TDRD9: variants seen among roughly 807,000 people sequenced by gnomAD.
TDRD9 encodes ATP-dependent RNA helicase TDRD9.
In TDRD9, 124 loss-of-function variants were observed where a neutral mutation model predicts 172.6. The ratio of observed to expected loss-of-function variants is 0.72; its 90% CI spans 0.62 to 0.83. The LOEUF is 0.83. TDRD9 is among the 40% of genes least tolerant of loss of function. The probability of loss-of-function intolerance (pLI) is 0.00; values close to 1 mark genes in which losing one functional copy is unlikely to be tolerated. For missense variants in TDRD9, 1,479 were observed against 1,714.1 expected, an observed-to-expected ratio of 0.86 and a Z score of 2.42; for synonymous variants, 619 against 617.1, an observed-to-expected ratio of 1.00 and a Z score of -0.05.
intron 1 of TDRD9, among the ~76,000 whole-genome samples, chr14:103,937,869 A>ATTTTTTTTT (rs2030877082): frequency 2.3e-5 from 3 of 130,756 alleles, no homozygotes; most frequent in African/African-American, 8.3e-5. Context: ...TTTTTTTTTA[A>ATTTTTTTTT]TTTTCTTTTT....
At chr14:103,941,847 G>A in intron 1 of TDRD9, 1 of 615,230 alleles carries the variant, frequency 1.6e-6, no homozygotes, top group Non-Finnish European at 2.8e-6. Flanking sequence ...ATTAGAACAT[G>A]GATTAACGTC....
intron 13 of TDRD9, among the ~76,000 whole-genome samples, chr14:104,001,133 G>T (rs2034246278): frequency 6.6e-6 from 1 of 152,166 alleles, no homozygotes; most frequent in African/African-American, 2.4e-5. Flanking sequence ...GATCCCATGT[G>T]TAAGTTTGTG....
intron 6 of TDRD9, among the ~76,000 whole-genome samples, chr14:103,972,993 G>C (rs889007082): frequency 6.6e-6 from 1 of 152,140 alleles, no homozygotes; most frequent in Admixed American, 6.5e-5. Context: ...ACTCAAGTCA[G>C]AATAATGAGT....
Position 104,018,124 on chromosome 14 carries a change from C to G in TDRD9, c.2364C>G (p.Tyr788Ter), listed in dbSNP as rs994875958. Residue 788 changes from tyrosine (Y) to a stop codon, truncating the protein, a stop_gained, in exon 23 of 36, where the codon TAC becomes TAG. Coordinates refer to ENST00000409874, the MANE Select transcript of TDRD9 (RefSeq NM_153046.3). LOFTEE classifies it high-confidence loss of function. ...ACATTCCTCCCTATGGATTTCTTTA[C>G]TATAAACAACTACAGTCTCTCTTTA... is the stretch of plus-strand genomic sequence containing the variant. ...LKHIPPYGFL[Y>*]YKQLQSLFRQ... The G allele has an allele frequency of 1.2e-6, 2 of 1,607,012 alleles. No individual in the cohort carries two copies. The highest frequency in any genetic ancestry group is 2.2e-5 in the South Asian group (2 of 90,236).
chr14:104,034,099 CCTCT>C (rs2035370239), intron 31 of TDRD9, 30 bp downstream of exon 31: 4 of 1,411,492 alleles, frequency 2.8e-6, no homozygotes, highest in Non-Finnish European at 2.9e-6. Context: ...TATTCCTTGT[CCTCT>C]CTTTTTTCTT....
At chr14:103,991,294 C>G in intron 9 of TDRD9, 70 bp downstream of exon 9, 1 of 1,502,102 alleles carries the variant, frequency 6.7e-7, no homozygotes, top group East Asian at 2.3e-5. Context: ...GTGCCTAACA[C>G]AGATTATGAA....
chr14:104,008,707 T>C lies in TDRD9; in HGVS notation c.2106+241T>C, dbSNP rs2034520534. On this transcript the variant is annotated intron_variant, in intron 20 of 35. Coordinates refer to ENST00000409874, the MANE Select transcript of TDRD9 (RefSeq NM_153046.3). ...GAATGTATTTCCCCTATGTATACTT[T>C]AATGAGGAATGGTTGTGTCATCTTG... Among the ~76,000 whole-genome samples, 3 of 152,180 alleles carry C rather than the reference T, an allele frequency of 2.0e-5. No individual in the cohort carries two copies. In the South Asian group the frequency reaches 6.2e-4, roughly 31 times the overall value.
At chr14:104,005,517 T>C (rs1443824509) in intron 15 of TDRD9, 112 bp downstream of exon 15, 13 of 1,170,676 alleles carry the variant, frequency 1.1e-5, no homozygotes, top group Middle Eastern at 2.1e-4. Flanking sequence ...CGCCTCACTT[T>C]CCCGCTAACT....
At chr14:103,993,447 A>G (rs576737711) in intron 9 of TDRD9, among the ~76,000 whole-genome samples, 1 of 152,336 alleles carries the variant, frequency 6.6e-6, no homozygotes, top group East Asian at 1.9e-4. Flanking sequence ...GTTCTATAGT[A>G]GTTTTCCAGG....
intron 1 of TDRD9, among the ~76,000 whole-genome samples, chr14:103,930,761 C>G (rs1227567860): frequency 6.6e-6 from 1 of 152,170 alleles, no homozygotes; most frequent in Non-Finnish European, 1.5e-5. Context: ...TGGTCCATCA[C>G]TTACTCCTTA....
chr14:104,005,826 A>G (rs2034420538), intron 15 of TDRD9, among the ~76,000 whole-genome samples: 4 of 152,072 alleles, frequency 2.6e-5, no homozygotes, highest in Admixed American at 6.5e-5. Flanking sequence ...TGATTGATTG[A>G]TTGATTAACT....
At chr14:103,934,056 C>T (rs994744089) in intron 1 of TDRD9, among the ~76,000 whole-genome samples, 1 of 151,958 alleles carries the variant, frequency 6.6e-6, no homozygotes, top group African/African-American at 2.4e-5. Context: ...TGCTCTGTCA[C>T]CCAGGCTGGA....
At chr14:103,938,727 G>A (rs1406582696) in intron 1 of TDRD9, among the ~76,000 whole-genome samples, 1 of 151,824 alleles carries the variant, frequency 6.6e-6, no homozygotes, top group African/African-American at 2.4e-5. Flanking sequence ...GTGAGCCACC[G>A]TGCCCGGCCC....
chr14:103,963,444 C>T (rs907589666), intron 3 of TDRD9, among the ~76,000 whole-genome samples: 3 of 151,936 alleles, frequency 2.0e-5, no homozygotes, highest in African/African-American at 7.3e-5. Flanking sequence ...TTTATCTAGT[C>T]TTTCCTTCCT....
chr14:103,939,674 AGG>A (rs1255925515), intron 1 of TDRD9: 4 of 28,408 alleles, frequency 1.4e-4, no homozygotes, highest in Non-Finnish European at 2.6e-4. Context: ...TAAAGTTAGG[AGG>A]GTTTTTTTTT....
intron 9 of TDRD9, among the ~76,000 whole-genome samples, 183 bp downstream of exon 9, chr14:103,991,407 TTTTTCC>T (rs932949277): frequency 6.6e-5 from 10 of 152,150 alleles, no homozygotes; most frequent in South Asian, 2.1e-4. Flanking sequence ...ATTTCTTTTT[TTTTTCC>T]TTTTCCTTTT....
intron 25 of TDRD9, 25 bp from the exon 26 acceptor site, chr14:104,025,539 C>T (rs2152244257): frequency 1.2e-6 from 2 of 1,600,268 alleles, no homozygotes; most frequent in East Asian, 4.5e-5. Flanking sequence ...TAGATTTCAT[C>T]TCTTCTCCTC....
rs567469395 is a variant in TDRD9 at position 104,039,411 on chromosome 14, A to G, written c.3717-785A>G. ...TGAGTTTTACTGTAGTCACAGTCAC[A>G]GCTAGACCACTGTGGCTTCTAGGTC... On this transcript the variant is annotated intron_variant, in intron 32 of 35. Transcript: ENST00000409874. Among the ~76,000 whole-genome samples, 368 of 152,352 alleles carry G rather than the reference A, an allele frequency of 2.4e-3. 1 individual carries two copies. The highest frequency in any genetic ancestry group is 9.3e-3 in the South Asian group (45 of 4,834).
intron 34 of TDRD9, among the ~76,000 whole-genome samples, chr14:104,047,701 C>T (rs542419363): frequency 1.3e-5 from 2 of 152,296 alleles, no homozygotes; most frequent in East Asian, 3.9e-4. Context: ...CACTCTTCTT[C>T]AGTCTCTTTC....
Sources: allele counts gnomAD v4.1 joint callset (sites outside exome capture counted in the v4.1 genomes callset), GRCh38; gene constraint gnomAD v4.1.1; transcripts MANE v1.5; gene names NCBI Gene and HGNC (gene_info 2026-07-23, HGNC 2026-07-21).